The following PPEF2 variants were observed in gnomAD, a reference collection of about 807,000 sequenced individuals.
PPEF2 encodes serine/threonine-protein phosphatase with EF-hands 2.
Under a neutral mutation model 84.7 loss-of-function variants are expected in PPEF2, and 84 were observed. The ratio of observed to expected loss-of-function variants is 0.99; its 90% confidence interval spans 0.83 to 1.19. The LOEUF (loss-of-function observed/expected upper bound fraction) is 1.19. PPEF2 is among the 50% of genes most tolerant of loss of function. The pLI is 0.00. For synonymous variants in PPEF2, 346 were observed against 345.2 expected (o/e 1.00, Z -0.03); for missense variants, 924 against 937.5 (o/e 0.99, Z 0.19).
chr4:75,882,382 T>C (rs1053021085), intron 10 of PPEF2, among the ~76,000 whole-genome samples: 2 of 152,172 alleles, frequency 1.3e-5, no homozygotes, highest in African/African-American at 2.4e-5. Context: ...ACGTAGGCTC[T>C]TTAGGTGGCA....
Position 75,876,435 on chromosome 4 carries a change from C to T in PPEF2, c.1172G>A (p.Arg391Gln), listed in dbSNP as rs137955024. The part of the protein sequence containing the change: ...LDGRELSRQV[R>Q]SSVELELERC... ...CTCTAGCTCCAGTTCCACGGAGCTC[C>T]GCACCTGCCGGGAGAGCTCCCGCCC... is the stretch of plus-strand genomic sequence containing the variant. The change falls in exon 11 of 17, where the codon CGG becomes CAG. Residue 391 changes from arginine to glutamine, a missense_variant. Physicochemically the swap from Arg to Gln is conservative, Grantham distance 43. Transcript: ENST00000286719. 1.2e-5 allele frequency: 19 copies of T among 1,613,990 alleles called. No homozygotes were observed. The highest frequency in any genetic ancestry group is 2.2e-5 in the South Asian group (2 of 91,076).
chr4:75,894,524 T>C (rs2149229375), intron 2 of PPEF2, among the ~76,000 whole-genome samples: 1 of 152,312 alleles, frequency 6.6e-6, no homozygotes, highest in South Asian at 2.1e-4. Context: ...AAGGGAGATC[T>C]CCGGGTGCCA....
chr4:75,891,781 C>T, intron 3 of PPEF2, 70 bp downstream of exon 3: 4 of 1,596,406 alleles, frequency 2.5e-6, no homozygotes, highest in Non-Finnish European at 3.4e-6. Context: ...GTTGGCCTCA[C>T]TTTAGGAGCA....
intron 13 of PPEF2, 42 bp from the exon 14 acceptor site, chr4:75,867,461 T>A (rs758541180): frequency 7.5e-7 from 1 of 1,341,572 alleles, no homozygotes; most frequent in Non-Finnish European, 1.1e-6. Flanking sequence ...CACACTGGTA[T>A]AGAAAAAATA....
At position 75,873,225 on chromosome 4, in the gene PPEF2, C is replaced by G. The variant is rs952457747; in HGVS notation, c.1408G>C (p.Asp470His). Residue 470 changes from aspartate (D) to histidine (H), a missense_variant, in exon 12 of 17, where the codon GAT (aspartate) becomes CAT (histidine). Coordinates refer to ENST00000286719, the MANE Select transcript of PPEF2 (RefSeq NM_006239.3). ...IRGGGCYFGP[D>H]VTQQLLQKYN... ...TTTTGTAGCAACTGTTGTGTCACAT[C>G]AGGCCCAAAATAACAGCCTCCTCCT... The G allele has an allele frequency of 6.2e-7, 1 of 1,614,070 alleles. No individual in the cohort carries two copies. Among genetic ancestry groups the G allele is most frequent in the Non-Finnish European group, 8.5e-7 (1 of 1,179,952 alleles).
chr4:75,868,811 T>C (rs1724196895), intron 13 of PPEF2, among the ~76,000 whole-genome samples: 1 of 152,082 alleles, frequency 6.6e-6, no homozygotes, highest in Non-Finnish European at 1.5e-5. Flanking sequence ...AAGACCACCC[T>C]GGGCAACACA....
intron 11 of PPEF2, among the ~76,000 whole-genome samples, chr4:75,874,648 G>A (rs962742674): frequency 6.6e-6 from 1 of 152,078 alleles, no homozygotes; most frequent in Non-Finnish European, 1.5e-5. Flanking sequence ...AACTTCATTC[G>A]ATTTGTAAAG....
intron 5 of PPEF2, 74 bp from the exon 6 acceptor site, chr4:75,888,402 T>A: frequency 1.8e-6 from 2 of 1,131,190 alleles, no homozygotes; most frequent in East Asian, 2.4e-5. Flanking sequence ...TTACCTTTAC[T>A]GCTTAACAAC....
intron 13 of PPEF2, among the ~76,000 whole-genome samples, chr4:75,870,367 ATTC>A (rs1369856022): frequency 6.6e-6 from 1 of 152,146 alleles, no homozygotes; most frequent in Non-Finnish European, 1.5e-5. Context: ...TTTTTACATA[ATTC>A]TTCTTTTTAA....
intron 13 of PPEF2, among the ~76,000 whole-genome samples, 161 bp downstream of exon 13, chr4:75,871,864 C>T (rs1305382280): frequency 6.6e-6 from 1 of 152,124 alleles, no homozygotes; most frequent in Non-Finnish European, 1.5e-5. Flanking sequence ...GAAGAGACTC[C>T]TACTCTAATG....
At chr4:75,864,617 C>T (rs188510753) in intron 15 of PPEF2, 90 bp from the exon 16 acceptor site, 5 of 1,049,892 alleles carry the variant, frequency 4.8e-6, no homozygotes, top group African/African-American at 4.7e-5. Context: ...GACAATCACA[C>T]ATTCTTGAAA....
At chr4:75,872,227 A>G in intron 12 of PPEF2, 60 bp from the exon 13 acceptor site, 2 of 1,524,088 alleles carry the variant, frequency 1.3e-6, no homozygotes, top group Non-Finnish European at 1.8e-6. Context: ...TTCACCCTCA[A>G]TCCTATGTGG....
At chr4:75,901,616 A>T (rs776939290) in intron 1 of PPEF2, among the ~76,000 whole-genome samples, 1 of 152,174 alleles carries the variant, frequency 6.6e-6, no homozygotes, top group Non-Finnish European at 1.5e-5. Context: ...AGCCACAGAA[A>T]ACGAGCTTGA....
chr4:75,861,420 A>T (rs1387780074), intron 16 of PPEF2, among the ~76,000 whole-genome samples: 1 of 130,088 alleles, frequency 7.7e-6, no homozygotes, highest in Non-Finnish European at 1.7e-5. Context: ...ATGGGGAAAG[A>T]ATAGTTTTTT....
chr4:75,876,461 G>A lies in PPEF2; in HGVS notation c.1146C>T (p.Asp382=), dbSNP rs375702017. ...GCACCTGCCGGGAGAGCTCCCGCCCGTCCAGGGAACCGCTGCAGGGGATGC... is the reference window on the plus strand; with the variant it reads ...GCACCTGCCGGGAGAGCTCCCGCCCATCCAGGGAACCGCTGCAGGGGATGC... ...SSSIPCSGSL[D]GRELSRQVRS... is the part of the protein sequence containing the mutation. The change falls in exon 11 of 17, where the codon GAC becomes GAT. Residue 382 remains aspartate, a synonymous_variant. Transcript: ENST00000286719. 260 of 1,613,996 alleles carry A rather than the reference G, an allele frequency of 1.6e-4. No homozygotes were observed. The highest frequency in any genetic ancestry group is 2.1e-4 in the Non-Finnish European group (251 of 1,179,922).
intron 2 of PPEF2, 119 bp downstream of exon 2, chr4:75,896,152 G>T: frequency 1.8e-6 from 2 of 1,089,062 alleles, no homozygotes; most frequent in Non-Finnish European, 2.8e-6. Context: ...ACCTCTAAGA[G>T]CTGGCCTGAG....
chr4:75,888,047 C>CT (rs1417695691), intron 6 of PPEF2, among the ~76,000 whole-genome samples, 167 bp downstream of exon 6: 1 of 152,154 alleles, frequency 6.6e-6, no homozygotes, highest in Non-Finnish European at 1.5e-5. Context: ...ACCACCACCT[C>CT]TTTTTTAGGT....
intron 2 of PPEF2, among the ~76,000 whole-genome samples, chr4:75,893,292 G>T (rs1242558748): frequency 6.6e-6 from 1 of 152,158 alleles, no homozygotes; most frequent in Non-Finnish European, 1.5e-5. Context: ...GAGGTGAGGA[G>T]TTCAAGACCA....
intron 6 of PPEF2, among the ~76,000 whole-genome samples, chr4:75,887,437 C>T (rs184394090): frequency 0.015 from 2,231 of 152,066 alleles, 32 homozygotes; most frequent in African/African-American, 0.032. Flanking sequence ...CCGCCTAACA[C>T]GGTGAAACCC....
Sources: allele counts gnomAD v4.1 joint callset (sites outside exome capture counted in the v4.1 genomes callset), GRCh38; gene constraint gnomAD v4.1.1; transcripts MANE v1.5; gene names NCBI Gene and HGNC (gene_info 2026-07-23, HGNC 2026-07-21).